Variants in PRRX2 observed in about 807,000 individuals in gnomAD.
PRRX2 encodes the protein paired mesoderm homeobox protein 2.
A neutral mutation model predicts 18.0 loss-of-function variants in PRRX2; 11 were observed. The observed-to-expected ratio is 0.61, with a 90% CI of 0.39 to 1.01. PRRX2 has a LOEUF of 1.01. Ranked by LOEUF, PRRX2 falls within the 50% of genes least tolerant of loss-of-function variation. The pLI, the probability that PRRX2 is intolerant of heterozygous loss-of-function variation, is 0.01. For missense variants in PRRX2, 387 were observed against 351.0 expected, an observed-to-expected ratio of 1.10 and a Z score of -0.82; for synonymous variants, 177 against 154.8, an observed-to-expected ratio of 1.14 and a Z score of -1.06.
intron 1 of PRRX2, among the ~76,000 whole-genome samples, chr9:129,679,466 C>T (rs1187648609): frequency 6.6e-6 from 1 of 152,180 alleles, no homozygotes; most frequent in Admixed American, 6.5e-5. Context: ...ATTAAATCCT[C>T]CCAAACATTC....
chr9:129,706,116 G>T (rs995212107), intron 1 of PRRX2, among the ~76,000 whole-genome samples: 25 of 151,960 alleles, frequency 1.6e-4, no homozygotes, highest in African/African-American at 6.0e-4. Flanking sequence ...ATTTTATTTC[G>T]TATATTTCAC....
chr9:129,691,544 T>C (rs766728674), intron 1 of PRRX2, among the ~76,000 whole-genome samples: 4 of 152,164 alleles, frequency 2.6e-5, no homozygotes, highest in Non-Finnish European at 5.9e-5. Context: ...TGATGTTATG[T>C]TGTGGCTTGA....
At chr9:129,698,901 G>T (rs533385563) in intron 1 of PRRX2, among the ~76,000 whole-genome samples, 101 of 152,312 alleles carry the variant, frequency 6.6e-4, no homozygotes, top group African/African-American at 2.2e-3. Context: ...AGGAAACAAG[G>T]TGGTTCGTTC....
intron 1 of PRRX2, among the ~76,000 whole-genome samples, chr9:129,683,501 C>T (rs1356455005): frequency 6.6e-6 from 1 of 152,040 alleles, no homozygotes; most frequent in Non-Finnish European, 1.5e-5. Flanking sequence ...TTTGGGAGGC[C>T]GAGGTGGGCG....
chr9:129,720,658 C>T lies in PRRX2; in HGVS notation c.510C>T (p.Arg170=), dbSNP rs755197464. 10 of 1,613,568 alleles carry T rather than the reference C, an allele frequency of 6.2e-6. No homozygotes were observed. The Admixed American group carries it at 1.3e-4, about 22-fold the overall frequency. Residue 170 remains arginine (R), a synonymous_variant, in exon 3 of 4, where the codon CGC becomes CGT. Coordinates refer to ENST00000372469, the MANE Select transcript of PRRX2 (RefSeq NM_016307.4). The part of the protein sequence containing the change: ...RRNERAMLAS[R]SASLLKSYSQ... The stretch of plus-strand genomic sequence containing the variant: ...ATGAAAGGGCCATGCTGGCCAGCCG[C>T]TCTGCCTCGCTGCTCAAGTCCTACA...
chr9:129,667,795 T>TGTTGACAGCTA (rs1280211874), intron 1 of PRRX2, among the ~76,000 whole-genome samples: 1 of 152,118 alleles, frequency 6.6e-6, no homozygotes. Flanking sequence ...TAGTGTCAGC[T>TGTTGACAGCTA]GGGGATGTGG....
At chr9:129,697,821 T>A (rs1393913332) in intron 1 of PRRX2, among the ~76,000 whole-genome samples, 1 of 151,984 alleles carries the variant, frequency 6.6e-6, no homozygotes, top group East Asian at 1.9e-4. Flanking sequence ...CTGGGGACGC[T>A]TCCCCGCCCC....
rs1832105756 is a variant in PRRX2, at chr9:129,671,974, G to T, written c.259+5848G>T. On this transcript the variant is annotated intron_variant, in intron 1 of 3. Transcript: ENST00000372469. This position sits in a 1 kb window ranked among gnomAD's most constrained non-coding sequence, Gnocchi z 4.0. ...GGAGGGGCAGCACGGAACGGGCTCT[G>T]TGCCTATGTTAGGCGTTTCTGAGTA... is the stretch of plus-strand genomic sequence containing the variant. Among the ~76,000 whole-genome samples, 1 of 152,152 alleles carries T rather than the reference G, an allele frequency of 6.6e-6. No homozygotes were observed. Among genetic ancestry groups the T allele is most frequent in the South Asian group, 2.1e-4 (1 of 4,824 alleles).
intron 1 of PRRX2, among the ~76,000 whole-genome samples, chr9:129,711,058 G>C (rs765348292): frequency 2.0e-5 from 3 of 152,122 alleles, no homozygotes; most frequent in Non-Finnish European, 2.9e-5. Context: ...GAATGTTTCT[G>C]TTGCCTTCAG....
At chr9:129,690,530 G>A (rs1251150342) in intron 1 of PRRX2, among the ~76,000 whole-genome samples, 3 of 146,624 alleles carry the variant, frequency 2.0e-5, no homozygotes, top group Admixed American at 6.9e-5. Flanking sequence ...TTTTTAAGAC[G>A]GAGTCTCGCT....
intron 1 of PRRX2, among the ~76,000 whole-genome samples, chr9:129,673,439 A>G (rs1272483991): frequency 6.6e-6 from 1 of 152,238 alleles, no homozygotes; most frequent in African/African-American, 2.4e-5. Context: ...CCTGGGCAAC[A>G]GAACAAGACC....
chr9:129,682,455 A>G (rs1832245096), intron 1 of PRRX2, among the ~76,000 whole-genome samples: 1 of 152,030 alleles, frequency 6.6e-6, no homozygotes, highest in Non-Finnish European at 1.5e-5. Context: ...TCTCCCTAGC[A>G]TGGGGTTGGA....
intron 3 of PRRX2, 23 bp from the exon 4 acceptor site, chr9:129,722,194 C>A (rs745812882): frequency 6.2e-7 from 1 of 1,609,972 alleles, no homozygotes; most frequent in Non-Finnish European, 8.5e-7. Flanking sequence ...ACCCATGTGA[C>A]CTGTGTCTCA....
In PRRX2 at chr9:129,691,932, C is replaced by CTTAT. The variant is rs554253164; in HGVS notation, c.259+25825_259+25828dup. 2.6e-3 allele frequency among the ~76,000 whole-genome samples: 385 copies of CTTAT among 149,550 alleles called. 8 individuals carry two copies. The highest frequency in any genetic ancestry group is 0.024 in the Admixed American group (351 of 14,904). On this transcript the variant is annotated intron_variant, in intron 1 of 3. Coordinates refer to ENST00000372469, the MANE Select transcript of PRRX2 (RefSeq NM_016307.4). Reference sequence around the variant, plus strand: ...GCCATCGTGCCTGGCCTAGACGGTACTTATTTATTTATTTATTTATTTTAT... The same window carrying CTTAT: ...GCCATCGTGCCTGGCCTAGACGGTACTTATTTATTTATTTATTTATTTATTTTAT...
In PRRX2 at chr9:129,715,883, T is replaced by G. The variant is rs371043211; in HGVS notation, c.260-3348T>G. On this transcript the variant is annotated intron_variant, in intron 1 of 3. Transcript: ENST00000372469. The surrounding 1 kb of genome is among the most constrained non-coding windows in gnomAD (Gnocchi z 4.0). ...AAACCCTCCTAACCTGGGAACTGAT[T>G]AAAAGCAGATATTCAGCAGTACCCA... 1.3e-5 allele frequency among the ~76,000 whole-genome samples: 2 copies of G among 152,104 alleles called. No homozygotes were observed. The highest frequency in any genetic ancestry group is 4.8e-5 in the African/African-American group (2 of 41,474).
At chr9:129,722,073 G>A (rs1832799751) in intron 3 of PRRX2, 144 bp from the exon 4 acceptor site, 3 of 1,212,742 alleles carry the variant, frequency 2.5e-6, no homozygotes, top group Non-Finnish European at 3.4e-6. Flanking sequence ...AAACCCTACA[G>A]CTCCAAATCA....
At chr9:129,717,421 G>A (rs1337132700) in intron 1 of PRRX2, among the ~76,000 whole-genome samples, 7 of 143,848 alleles carry the variant, frequency 4.9e-5, no homozygotes, top group Non-Finnish European at 7.5e-5. Context: ...GTGGGGCTGG[G>A]CATGGTGGCT....
At chr9:129,707,683 A>T (rs1162628822) in intron 1 of PRRX2, among the ~76,000 whole-genome samples, 1 of 150,928 alleles carries the variant, frequency 6.6e-6, no homozygotes, top group Admixed American at 6.6e-5. Context: ...CCCAGCTACC[A>T]GGGAGGCTGA....
intron 1 of PRRX2, among the ~76,000 whole-genome samples, chr9:129,712,725 C>G (rs1283090035): frequency 1.3e-5 from 2 of 152,122 alleles, no homozygotes; most frequent in Non-Finnish European, 2.9e-5. Context: ...GCTAAACAGC[C>G]TGGTCAAAGG....
Sources: allele counts gnomAD v4.1 joint callset (sites outside exome capture counted in the v4.1 genomes callset), GRCh38; gene constraint gnomAD v4.1.1; non-coding constraint Gnocchi (gnomAD v3.1); transcripts MANE v1.5; gene names NCBI Gene and HGNC (gene_info 2026-07-23, HGNC 2026-07-21).